RELN: variants seen among roughly 807,000 people sequenced by gnomAD.
RELN encodes reelin.
A neutral mutation model predicts 427.6 loss-of-function variants in RELN; 108 were observed. The observed-to-expected ratio is 0.25, with a 90% CI of 0.22 to 0.30. The LOEUF (loss-of-function observed/expected upper bound fraction) is 0.30. RELN is among the 10% of genes least tolerant of loss of function. RELN has a pLI of 1.00. For synonymous variants in RELN, 1,524 were observed against 1,513.4 expected, an observed-to-expected ratio of 1.01 and a Z score of -0.16; for missense variants, 3,715 against 4,302.8, an observed-to-expected ratio of 0.86 and a Z score of 3.82.
intron 28 of RELN, among the ~76,000 whole-genome samples, chr7:103,576,518 C>T (rs890717108): frequency 1.1e-4 from 17 of 152,098 alleles, no homozygotes; most frequent in African/African-American, 3.6e-4. Context: ...ATAGATATTC[C>T]ATTATTTTAC....
intron 2 of RELN, among the ~76,000 whole-genome samples, chr7:103,885,314 G>T (rs1454691029): frequency 1.3e-5 from 2 of 150,886 alleles, no homozygotes; most frequent in Non-Finnish European, 3.0e-5. Context: ...ACTCCAGGCT[G>T]GGCGACAGAG....
intron 46 of RELN, among the ~76,000 whole-genome samples, chr7:103,531,188 T>C (rs1049075717): frequency 2.0e-5 from 3 of 152,196 alleles, no homozygotes; most frequent in Admixed American, 6.5e-5. Flanking sequence ...TTTCATATGG[T>C]GAAAAGGATC....
intron 3 of RELN, among the ~76,000 whole-genome samples, chr7:103,823,463 C>T (rs1390104459): frequency 3.3e-5 from 5 of 151,888 alleles, no homozygotes; most frequent in South Asian, 4.2e-4. Flanking sequence ...CCTTCCCCTC[C>T]CTATTTTGGA....
intron 2 of RELN, among the ~76,000 whole-genome samples, chr7:103,863,482 A>T (rs191243888): frequency 6.6e-6 from 1 of 152,310 alleles, no homozygotes; most frequent in Admixed American, 6.5e-5. Flanking sequence ...TGCTATTCCA[A>T]AAATCCTGTA....
In RELN at chr7:103,697,922, G is replaced by C; in HGVS notation, c.1074C>G (p.Val358=). 1 of 1,613,690 alleles carries C rather than the reference G, an allele frequency of 6.2e-7. No individual in the cohort carries two copies. Among genetic ancestry groups the C allele is most frequent in the Non-Finnish European group, 8.5e-7 (1 of 1,179,800 alleles). ...ILIINSAHRQ[V]VLEDSLDPVD... ...CTGGGTCGAGACTATCTTCTAAAAC[G>C]ACTTGTCTGTGAGCTGAATTGATGA... Residue 358 remains valine, a synonymous_variant, in exon 10 of 65, where the codon GTC becomes GTG. Transcript: ENST00000428762.
chr7:103,629,189 T>C (rs1832397349), intron 20 of RELN, among the ~76,000 whole-genome samples: 1 of 151,846 alleles, frequency 6.6e-6, no homozygotes, highest in African/African-American at 2.4e-5. Flanking sequence ...CTCTCGGGAG[T>C]TTCCTATGTA....
chr7:103,728,005 T>C lies in RELN; in HGVS notation c.753+106A>G. 3.0e-6 allele frequency: 3 copies of C among 1,010,494 alleles called. 1 individual carries two copies. The South Asian group carries it at 4.1e-5, about 14-fold the overall frequency. 62.6% of individuals were successfully genotyped at this position (1,010,494 alleles called of 1,614,324 possible). On this transcript the variant is annotated intron_variant, in intron 7 of 64. Transcript: ENST00000428762. ...TATTTGTAATAGGACTCATAAATCA[T>C]ATTTGAATTTTCATCTGAACTTTAA...
At chr7:103,859,259 C>T (rs1049027071) in intron 2 of RELN, among the ~76,000 whole-genome samples, 1 of 152,098 alleles carries the variant, frequency 6.6e-6, no homozygotes, top group African/African-American at 2.4e-5. Flanking sequence ...TAACACCTGG[C>T]ACATTTGGAA....
In RELN at chr7:103,872,030, A is replaced by ATATATTTTTT. The variant is rs773045936; in HGVS notation, c.338-38359_338-38358insAAAAAATATA. On this transcript the variant is annotated intron_variant, in intron 2 of 64. Transcript: ENST00000428762. ...AGTATATGAATATATATATATATATATTTTTCTTTTTTCTTTTTTTTCTTT... is the reference window on the plus strand; with the variant it reads ...AGTATATGAATATATATATATATATATATATTTTTTTTTTTCTTTTTTCTTTTTTTTCTTT... 2.2e-4 allele frequency among the ~76,000 whole-genome samples: 30 copies of ATATATTTTTT among 138,448 alleles called. 1 individual carries two copies. The highest frequency in any genetic ancestry group is 1.2e-3 in the East Asian group (6 of 4,910). The allele number at this position is 138,448 out of a possible 152,430, so 90.8% of individuals were successfully genotyped here.
intron 51 of RELN, among the ~76,000 whole-genome samples, chr7:103,508,323 T>G (rs574969361): frequency 6.6e-6 from 1 of 151,516 alleles, no homozygotes; most frequent in African/African-American, 2.4e-5. Context: ...AAGATCAAGT[T>G]GGCTTCATCC....
intron 2 of RELN, 21 bp downstream of exon 2, chr7:103,917,054 T>A: frequency 6.4e-7 from 1 of 1,573,174 alleles, no homozygotes; most frequent in Non-Finnish European, 8.7e-7. Context: ...CCCAAATTTC[T>A]GGTTTGTGAG....
chr7:103,942,242 AATTT>A (rs1796130908), intron 1 of RELN, among the ~76,000 whole-genome samples: 1 of 152,148 alleles, frequency 6.6e-6, no homozygotes, highest in Admixed American at 6.6e-5. Flanking sequence ...AGATCTCCAG[AATTT>A]ATTTATCCCG....
chr7:103,598,582 C>G (rs906747930), intron 24 of RELN, among the ~76,000 whole-genome samples: 1 of 152,186 alleles, frequency 6.6e-6, no homozygotes. Context: ...AATGATTGCT[C>G]TACTGTGAAA....
chr7:103,566,217 T>A lies in RELN; in HGVS notation c.4936+7A>T, dbSNP rs1219192080. On this transcript the variant is annotated splice_region_variant and intron_variant, in intron 33 of 64. Transcript: ENST00000428762. The stretch of plus-strand genomic sequence containing the variant: ...ATATTTTCCCTTTATCTGGTGACAA[T>A]ATATACCTATGTTTTCAGTGAATAT... 5 of 1,606,020 alleles carry A rather than the reference T, an allele frequency of 3.1e-6. No homozygotes were observed. Among genetic ancestry groups the A allele is most frequent in the Non-Finnish European group, 4.3e-6 (5 of 1,172,812 alleles).
At chr7:103,842,661 T>C (rs1374823132) in intron 2 of RELN, among the ~76,000 whole-genome samples, 1 of 152,234 alleles carries the variant, frequency 6.6e-6, no homozygotes, top group East Asian at 1.9e-4. Flanking sequence ...TATTTACTTT[T>C]CAAAGCACTG....
rs541208637 is a variant in RELN, at chr7:103,543,347, TTAAA to T, written c.6524-473_6524-470del. Reference sequence around the variant, plus strand: ...TTTCAATACCATTTATTATTGCCTATTAAATAACGCCTTTAAGGCTGGGTGCGGT... The same window carrying T: ...TTTCAATACCATTTATTATTGCCTATTAACGCCTTTAAGGCTGGGTGCGGT... On this transcript the variant is annotated intron_variant, in intron 42 of 64. Coordinates refer to ENST00000428762, the MANE Select transcript of RELN (RefSeq NM_005045.4). 2.7e-3 allele frequency among the ~76,000 whole-genome samples: 406 copies of T among 152,280 alleles called. 3 individuals are homozygous for T. The highest frequency in any genetic ancestry group is 9.0e-3 in the African/African-American group (375 of 41,554).
intron 49 of RELN, among the ~76,000 whole-genome samples, chr7:103,518,768 C>G (rs775871993): frequency 6.9e-6 from 1 of 145,500 alleles, no homozygotes. Context: ...ACTGAATATG[C>G]TATTTTCCTT....
intron 2 of RELN, among the ~76,000 whole-genome samples, chr7:103,893,527 G>C (rs984572342): frequency 8.5e-5 from 13 of 152,148 alleles, no homozygotes; most frequent in African/African-American, 3.1e-4. Flanking sequence ...AGGCTTACTA[G>C]TCATTGAAAG....
chr7:103,510,870 C>T lies in RELN; in HGVS notation c.8255G>A (p.Gly2752Asp). The T allele has an allele frequency of 6.2e-7, 1 of 1,613,618 alleles. No homozygotes were observed. The highest frequency in any genetic ancestry group is 8.5e-7 in the Non-Finnish European group (1 of 1,179,686). Reference protein sequence around the residue: ...AVTHDLTPTEGWIMQFKISVG... With the variant: ...AVTHDLTPTEDWIMQFKISVG... Reference sequence around the variant, plus strand: ...TTTCACCTTGAATTGCATAATCCAGCCTTCAGTGGGAGTCAGGTCATGGGT... The same window carrying T: ...TTTCACCTTGAATTGCATAATCCAGTCTTCAGTGGGAGTCAGGTCATGGGT... The change falls in exon 51 of 65, where the codon GGC (glycine) becomes GAC (aspartate). Residue 2752 changes from glycine (G) to aspartate (D), a missense_variant. Transcript: ENST00000428762.
Sources: allele counts gnomAD v4.1 joint callset (sites outside exome capture counted in the v4.1 genomes callset), GRCh38; gene constraint gnomAD v4.1.1; transcripts MANE v1.5; gene names NCBI Gene and HGNC (gene_info 2026-07-23, HGNC 2026-07-21).